The following PALM2AKAP2 variants were observed in gnomAD, a reference collection of about 807,000 sequenced individuals.
PALM2AKAP2 encodes PALM2-AKAP2 fusion protein.
PALM2AKAP2 carries 37 observed loss-of-function variants against 71.5 expected under a neutral mutation model. The ratio of observed to expected loss-of-function variants is 0.52; its 90% confidence interval spans 0.40 to 0.68. The LOEUF is 0.68. PALM2AKAP2 is among the 30% of genes least tolerant of loss of function. PALM2AKAP2 has a pLI of 0.00. For synonymous variants in PALM2AKAP2, 468 were observed against 478.8 expected (o/e 0.98, Z 0.29); for missense variants, 1,224 against 1,191.8 (o/e 1.03, Z -0.40).
chr9:109,666,544 C>T (rs1187894897), intron 1 of PALM2AKAP2, among the ~76,000 whole-genome samples: 2 of 152,198 alleles, frequency 1.3e-5, no homozygotes, highest in Admixed American at 1.3e-4. Flanking sequence ...GCTTATTTCA[C>T]ATTTGTTGAT....
intron 7 of PALM2AKAP2, among the ~76,000 whole-genome samples, chr9:110,041,479 A>G (rs1833511572): frequency 6.6e-6 from 1 of 152,046 alleles, no homozygotes; most frequent in Admixed American, 6.6e-5. Context: ...GGTGTTTTAA[A>G]ATGTCTTTTA....
chr9:110,016,011 A>G, exon 7 of PALM2AKAP2: 1 of 1,614,054 alleles, frequency 6.2e-7, no homozygotes, highest in Non-Finnish European at 8.5e-7. Flanking sequence ...AACGCCACAG[A>G]AACATCCGGC....
intron 1 of PALM2AKAP2, among the ~76,000 whole-genome samples, chr9:109,716,808 A>G (rs1014799294): frequency 2.0e-5 from 3 of 152,192 alleles, no homozygotes; most frequent in African/African-American, 7.2e-5. Flanking sequence ...CCACATGTGT[A>G]CATCTAGAAA....
Position 110,140,477 on chromosome 9 carries a change from T to C in PALM2AKAP2, c.2569+1938T>C, listed in dbSNP as rs58298920. Among the ~76,000 whole-genome samples, 512 of 152,332 alleles carry C rather than the reference T, an allele frequency of 3.4e-3. 4 individuals are homozygous for C. The highest frequency in any genetic ancestry group is 0.012 in the African/African-American group (487 of 41,572). ...CTAGCTGTGCTCATTGTTATTGCAT[T>C]GTCACTAGCCCCAGGCACTCTCAGT... On this transcript the variant is annotated intron_variant, in intron 2 of 3. Coordinates refer to ENST00000374525, the Ensembl canonical transcript of PALM2AKAP2.
At chr9:109,907,564 T>C (rs1349429592) in intron 3 of PALM2AKAP2, among the ~76,000 whole-genome samples, 1 of 151,806 alleles carries the variant, frequency 6.6e-6, no homozygotes, top group African/African-American at 2.4e-5. Context: ...GAGGAAGGGG[T>C]AGGGTTCAGT....
chr9:110,090,202 T>C (rs7847564), intron 1 of PALM2AKAP2: 50,068 of 345,908 alleles, frequency 0.14, 4,934 homozygotes, highest in African/African-American at 0.34. Flanking sequence ...CCACCAGGTG[T>C]GTGCGGGCAG....
At chr9:109,691,909 CACAT>C (rs796304685) in intron 1 of PALM2AKAP2, among the ~76,000 whole-genome samples, 9,721 of 88,700 alleles carry the variant, frequency 0.11, 694 homozygotes, top group East Asian at 0.17. Flanking sequence ...TATACACACA[CACAT>C]ATATATATAT....
At chr9:110,066,421 G>A (rs1184881088) in intron 1 of PALM2AKAP2, among the ~76,000 whole-genome samples, 1 of 152,202 alleles carries the variant, frequency 6.6e-6, no homozygotes, top group Non-Finnish European at 1.5e-5. Flanking sequence ...TAAAAGATGG[G>A]CGTGGTGATT....
At chr9:109,983,051 C>T (rs778170797) in intron 6 of PALM2AKAP2, among the ~76,000 whole-genome samples, 2 of 152,162 alleles carry the variant, frequency 1.3e-5, no homozygotes, top group African/African-American at 4.8e-5. Context: ...CAGAACTGCA[C>T]GTAGCCTCAC....
intron 3 of PALM2AKAP2, among the ~76,000 whole-genome samples, chr9:109,919,241 C>T (rs1830767056): frequency 6.6e-6 from 1 of 152,184 alleles, no homozygotes; most frequent in African/African-American, 2.4e-5. Context: ...GCTCCCATTT[C>T]CCCTTCACTA....
At chr9:109,696,164 G>C (rs1286693226) in intron 1 of PALM2AKAP2, among the ~76,000 whole-genome samples, 1 of 148,130 alleles carries the variant, frequency 6.8e-6, no homozygotes, top group East Asian at 2.0e-4. Flanking sequence ...ACATAGAAAA[G>C]TCACTTTGAA....
At chr9:109,983,442 T>C (rs1274299392) in intron 6 of PALM2AKAP2, among the ~76,000 whole-genome samples, 2 of 152,130 alleles carry the variant, frequency 1.3e-5, no homozygotes, top group East Asian at 3.8e-4. Flanking sequence ...CCACTCCTCC[T>C]TTTTTTCCTC....
At chr9:109,736,861 A>G (rs529927484) in intron 1 of PALM2AKAP2, among the ~76,000 whole-genome samples, 1 of 152,270 alleles carries the variant, frequency 6.6e-6, no homozygotes, top group East Asian at 1.9e-4. Flanking sequence ...TCTTCCCATG[A>G]TTACAGCTAA....
intron 1 of PALM2AKAP2, among the ~76,000 whole-genome samples, chr9:110,049,799 G>A (rs1833674807): frequency 6.6e-6 from 1 of 152,368 alleles, no homozygotes; most frequent in Non-Finnish European, 1.5e-5. Context: ...CCGGAAGCCC[G>A]CAGCAGGGAG....
At chr9:109,781,951 A>C (rs957834822) in intron 1 of PALM2AKAP2, among the ~76,000 whole-genome samples, 2 of 152,228 alleles carry the variant, frequency 1.3e-5, no homozygotes, top group Admixed American at 1.3e-4. Flanking sequence ...GGTGCCATGT[A>C]GCTGGTGGGT....
intron 6 of PALM2AKAP2, among the ~76,000 whole-genome samples, chr9:109,985,492 C>A (rs13362923): frequency 0.33 from 50,544 of 151,018 alleles, 9,753 homozygotes; most frequent in Non-Finnish European, 0.44. Flanking sequence ...TGGTGGCGGG[C>A]ACCTGTAGTC....
chr9:110,027,539 A>G (rs1267287731), intron 7 of PALM2AKAP2, among the ~76,000 whole-genome samples: 2 of 152,226 alleles, frequency 1.3e-5, no homozygotes, highest in Non-Finnish European at 2.9e-5. Context: ...AATATTTCTC[A>G]TTTATGCTTG....
At chr9:110,077,599 GT>G (rs1372597926) in intron 1 of PALM2AKAP2, among the ~76,000 whole-genome samples, 1 of 152,126 alleles carries the variant, frequency 6.6e-6, no homozygotes, top group Non-Finnish European at 1.5e-5. Context: ...TCCATAACTC[GT>G]TACCTGGAAG....
chr9:110,071,467 C>T (rs1445164645), intron 1 of PALM2AKAP2, among the ~76,000 whole-genome samples: 1 of 152,178 alleles, frequency 6.6e-6, no homozygotes, highest in African/African-American at 2.4e-5. Flanking sequence ...TACTGAGGGC[C>T]ACCTCTACTC....
Sources: allele counts gnomAD v4.1 joint callset (sites outside exome capture counted in the v4.1 genomes callset), GRCh38; gene constraint gnomAD v4.1.1; transcripts MANE v1.5; gene names NCBI Gene and HGNC (gene_info 2026-07-23, HGNC 2026-07-21).